The following LGSN variants were observed in gnomAD, a reference collection of about 807,000 sequenced individuals.
LGSN encodes lengsin.
LGSN carries 21 observed loss-of-function variants against 19.5 expected under a neutral mutation model. The ratio of observed to expected loss-of-function variants is 1.07; its 90% CI spans 0.76 to 1.55. LGSN has a LOEUF of 1.55. Among genes scored for constraint, LGSN ranks in the 40% most tolerant of loss-of-function variants. The pLI is 0.00. For synonymous variants in LGSN, 257 were observed against 215.6 expected (o/e 1.19, Z -1.68); for missense variants, 673 against 608.5 (o/e 1.11, Z -1.12).
At chr6:63,437,580 TG>T in the LGSN span, among the ~76,000 whole-genome samples, 1 of 152,240 alleles carries the variant, frequency 6.6e-6, no homozygotes. Context: ...TAATGATTGC[TG>T]GAGTCAAAAT....
At chr6:63,285,800 T>C (rs943171365) in intron 2 of LGSN, 47 bp from the exon 3 acceptor site, 1 of 1,514,246 alleles carries the variant, frequency 6.6e-7, no homozygotes. Flanking sequence ...CATGATGGAC[T>C]GAGAAGCAAA....
the LGSN span, among the ~76,000 whole-genome samples, chr6:63,339,974 C>T: frequency 6.6e-6 from 1 of 151,928 alleles, no homozygotes; most frequent in Non-Finnish European, 1.5e-5. Context: ...TCAGTTTTTG[C>T]TTTTCTTATA....
Position 63,287,328 on chromosome 6 carries a change from A to G in LGSN, c.164-1575T>C, listed in dbSNP as rs1711921. ...ATTAACCTTGCTGTATTCCCAACCT[A>G]CACTGAAATATTGGGTGTTCAGCCC... On this transcript the variant is annotated intron_variant, in intron 2 of 3. Coordinates refer to ENST00000370657, the MANE Select transcript of LGSN (RefSeq NM_016571.3). Among the ~76,000 whole-genome samples, 1,442 of 152,282 alleles carry G rather than the reference A, an allele frequency of 9.5e-3. 13 individuals are homozygous for G. Among genetic ancestry groups the G allele is most frequent in the African/African-American group, 0.032 (1,324 of 41,548 alleles).
the LGSN span, among the ~76,000 whole-genome samples, chr6:63,545,446 C>T: frequency 6.6e-6 from 1 of 151,928 alleles, no homozygotes; most frequent in Admixed American, 6.6e-5. Flanking sequence ...CTTGTCTCTA[C>T]TAAAAATACA....
At chr6:63,324,935 G>A (rs148828531), upstream of LGSN, among the ~76,000 whole-genome samples, 456 of 151,596 alleles carry the variant, frequency 3.0e-3, 3 homozygotes, top group African/African-American at 0.01. Flanking sequence ...GTGAAACCCC[G>A]TCCCTACTAA....
chr6:63,489,861 C>T, the LGSN span, among the ~76,000 whole-genome samples: 1 of 151,914 alleles, frequency 6.6e-6, no homozygotes, highest in African/African-American at 2.4e-5. Context: ...AGACGCATGC[C>T]ACCACAACCA....
the LGSN span, among the ~76,000 whole-genome samples, chr6:63,538,421 A>T: frequency 6.6e-6 from 1 of 152,240 alleles, no homozygotes; most frequent in African/African-American, 2.4e-5. Flanking sequence ...TAAAAGATCA[A>T]TGTTGGATAT....
chr6:63,306,432 A>C (rs1459884121), intron 1 of LGSN, among the ~76,000 whole-genome samples: 1 of 152,224 alleles, frequency 6.6e-6, no homozygotes, highest in African/African-American at 2.4e-5. Context: ...TTGTATTTTT[A>C]TAACTCTTTT....
chr6:63,533,779 G>A, the LGSN span, among the ~76,000 whole-genome samples: 1 of 151,882 alleles, frequency 6.6e-6, no homozygotes, highest in Non-Finnish European at 1.5e-5. Flanking sequence ...GTATACTTAG[G>A]ATTTTTTTTA....
the LGSN span, among the ~76,000 whole-genome samples, chr6:63,363,443 A>G: frequency 6.6e-6 from 1 of 152,204 alleles, no homozygotes; most frequent in South Asian, 2.1e-4. Flanking sequence ...AAGAAGATAA[A>G]AACCTTGAAA....
At chr6:63,341,357 A>T in the LGSN span, among the ~76,000 whole-genome samples, 1 of 152,216 alleles carries the variant, frequency 6.6e-6, no homozygotes, top group African/African-American at 2.4e-5. Flanking sequence ...ATGTGTAGGC[A>T]CTGGCAGTGG....
At chr6:63,555,754 C>T in the LGSN span, among the ~76,000 whole-genome samples, 2 of 146,864 alleles carry the variant, frequency 1.4e-5, no homozygotes, top group African/African-American at 5.1e-5. Context: ...AGTGCAATGG[C>T]GTGATCCCGG....
chr6:63,365,246 A>G, the LGSN span, among the ~76,000 whole-genome samples: 1 of 152,242 alleles, frequency 6.6e-6, no homozygotes, highest in Non-Finnish European at 1.5e-5. Flanking sequence ...AAAATGTGAG[A>G]AAGGGGATAT....
At chr6:63,468,645 C>T in the LGSN span, among the ~76,000 whole-genome samples, 7 of 151,862 alleles carry the variant, frequency 4.6e-5, no homozygotes, top group Non-Finnish European at 1.0e-4. Flanking sequence ...TCAGGCTGGT[C>T]TCGAACTTCT....
the LGSN span, among the ~76,000 whole-genome samples, chr6:63,532,693 A>G: frequency 2.0e-5 from 3 of 152,332 alleles, no homozygotes; most frequent in African/African-American, 4.8e-5. Context: ...TGAAACAAAA[A>G]TCAATCATAT....
chr6:63,278,210 C>T lies in LGSN; in HGVS notation c.*1811G>A, dbSNP rs1460422355. 2 of 144,756 alleles carry T rather than the reference C, an allele frequency of 1.4e-5. No individual in the cohort carries two copies. Among genetic ancestry groups the T allele is most frequent in the African/African-American group, 5.8e-5 (2 of 34,468 alleles). The allele number at this position is 144,756 out of a possible 1,614,324, so 9.0% of individuals were successfully genotyped here. ...AACCTTAATGAAGGCTCAGAAATATCATTTCATTTTTCATTGCTTTCAAAG... is the reference window on the plus strand; with the variant it reads ...AACCTTAATGAAGGCTCAGAAATATTATTTCATTTTTCATTGCTTTCAAAG... On this transcript the variant is annotated 3_prime_UTR_variant, in exon 4 of 4. Coordinates refer to ENST00000370657, the MANE Select transcript of LGSN (RefSeq NM_016571.3).
chr6:63,436,389 C>A, the LGSN span, among the ~76,000 whole-genome samples: 1 of 152,192 alleles, frequency 6.6e-6, no homozygotes, highest in Non-Finnish European at 1.5e-5. Context: ...GCATGAGCCA[C>A]TGCGCCTGGC....
chr6:63,505,567 A>AAAAAAAGAAAG, the LGSN span, among the ~76,000 whole-genome samples: 1 of 32,344 alleles, frequency 3.1e-5, no homozygotes, highest in African/African-American at 7.8e-5. Context: ...AAAAAAAAAA[A>AAAAAAAGAAAG]AGAAAGAAAG....
the LGSN span, among the ~76,000 whole-genome samples, chr6:63,333,710 T>C: frequency 1.3e-5 from 2 of 151,522 alleles, no homozygotes; most frequent in African/African-American, 4.9e-5. Context: ...CTGATGAACA[T>C]AAACTCAAAA....
Sources: gnomAD v4.1 joint callset for allele counts (sites outside exome capture counted in the v4.1 genomes callset) on GRCh38, gnomAD v4.1.1 for gene constraint, MANE v1.5 for transcripts, NCBI Gene and HGNC (gene_info 2026-07-23, HGNC 2026-07-21) for gene names.